Variants in DOCK7 observed in about 807,000 individuals in gnomAD.
The protein encoded by DOCK7 is dedicator of cytokinesis 7, also known as dedicator of cytokinesis protein 7.
A neutral mutation model predicts 271.0 loss-of-function variants in DOCK7; 138 were observed. That is an observed-to-expected ratio of 0.51 (90% CI 0.44 to 0.59). The LOEUF is 0.59. DOCK7 is among the 20% of genes least tolerant of loss of function. DOCK7 has a pLI of 0.00. For missense variants in DOCK7, 2,066 were observed against 2,592.4 expected (o/e 0.80, Z 4.41); for synonymous variants, 823 against 876.1 (o/e 0.94, Z 1.07).
Position 62,510,801 on chromosome 1 carries a change from T to G in DOCK7, c.4283-128A>C, listed in dbSNP as rs1168043. 599,021 of 602,668 alleles carry G rather than the reference T, an allele frequency of 0.99. 297,791 individuals carry two copies. Among genetic ancestry groups the G allele is most frequent in the East Asian group, 1 (31,807 of 31,808 alleles). The allele number at this position is 602,668 out of a possible 1,614,324, so 37.3% of individuals were successfully genotyped here. ...AAGCCATTTTATCCTCAGTACAAGT[T>G]GAAAAACCTGACAATGGTGCTTTTT... On this transcript the variant is annotated intron_variant, in intron 33 of 49. Transcript: ENST00000635253.
intron 43 of DOCK7, chr1:62,481,644 C>T (rs1646130392): frequency 6.6e-6 from 1 of 152,136 alleles, no homozygotes; most frequent in African/African-American, 2.4e-5. Flanking sequence ...TCTATCACTC[C>T]TCACAATACA....
chr1:62,625,334 T>G lies in DOCK7; in HGVS notation c.1350A>C (p.Thr450=). The G allele has an allele frequency of 1.2e-6, 2 of 1,613,800 alleles. No homozygotes were observed. The highest frequency in any genetic ancestry group is 1.7e-6 in the Non-Finnish European group (2 of 1,179,772). The change falls in exon 12 of 50, where the codon ACA becomes ACC. Residue 450 remains threonine, a synonymous_variant. Coordinates refer to ENST00000635253, the MANE Select transcript of DOCK7 (RefSeq NM_001367561.1). ...AGTTACAAGCATCATCTCCACTTGT[T>G]GTCCTTTCAAGTGATCGTCTGCCAA... ...SIVGRRSLER[T]TSGDDACNLT... is the part of the protein sequence containing the mutation.
At chr1:62,598,576 C>T in intron 14 of DOCK7, 3 of 674,090 alleles carry the variant, frequency 4.5e-6, no homozygotes, top group Non-Finnish European at 5.4e-6. Context: ...GAAGGAATTG[C>T]CAATATTCAT....
Position 62,559,023 on chromosome 1 carries a change from TA to T in DOCK7, c.2396del (p.Leu799Ter). ...LHLLLDKLILLVIRPPVIAGQ... is the reference protein window; with the variant it reads ...LHLLLDKLILXVIRPPVIAGQ... ...CAGCAATGACAGGAGGTCTAATAACTAAAAGTATCAGTTTATCTAGCAGAAG... is the reference window on the plus strand; with the variant it reads ...CAGCAATGACAGGAGGTCTAATAACTAAAGTATCAGTTTATCTAGCAGAAG... On this transcript the variant is annotated frameshift_variant, in exon 20 of 50. Transcript: ENST00000635253. LOFTEE classifies it high-confidence loss of function. The T allele has an allele frequency of 6.2e-7, 1 of 1,613,530 alleles. No individual in the cohort carries two copies. The highest frequency in any genetic ancestry group is 8.5e-7 in the Non-Finnish European group (1 of 1,179,736).
intron 14 of DOCK7, among the ~76,000 whole-genome samples, chr1:62,615,872 A>C (rs1652374402): frequency 6.6e-6 from 1 of 151,748 alleles, no homozygotes; most frequent in African/African-American, 2.4e-5. Context: ...TTCTCAAATT[A>C]ATATGCTATA....
chr1:62,685,438 T>C (rs2149786929), intron 1 of DOCK7, among the ~76,000 whole-genome samples: 1 of 152,332 alleles, frequency 6.6e-6, no homozygotes, highest in Non-Finnish European at 1.5e-5. Context: ...TCATTCACAA[T>C]AAGCAGTTAA....
At chr1:62,616,843 T>C (rs1652498808) in intron 14 of DOCK7, among the ~76,000 whole-genome samples, 1 of 151,658 alleles carries the variant, frequency 6.6e-6, no homozygotes, top group African/African-American at 2.4e-5. Flanking sequence ...GCAATCAGTA[T>C]AATATTGGAC....
chr1:62,567,248 A>G (rs1371967580), intron 18 of DOCK7, among the ~76,000 whole-genome samples: 1 of 152,196 alleles, frequency 6.6e-6, no homozygotes, highest in Non-Finnish European at 1.5e-5. Flanking sequence ...ACATACACAC[A>G]TATGTTTACT....
chr1:62,513,998 T>C (rs1041276008), intron 31 of DOCK7, 100 bp from the exon 32 acceptor site: 4 of 1,079,886 alleles, frequency 3.7e-6, no homozygotes, highest in African/African-American at 1.6e-5. Flanking sequence ...AAACAAAAGT[T>C]GCTTAAAAAT....
At chr1:62,463,973 G>A (rs1250098056) in intron 48 of DOCK7, among the ~76,000 whole-genome samples, 1 of 151,954 alleles carries the variant, frequency 6.6e-6, no homozygotes, top group Non-Finnish European at 1.5e-5. Context: ...ATCTATTCAA[G>A]ATTTAATGAA....
At chr1:62,548,858 T>A (rs1388822475) in intron 22 of DOCK7, among the ~76,000 whole-genome samples, 2 of 152,124 alleles carry the variant, frequency 1.3e-5, no homozygotes, top group Admixed American at 6.5e-5. Context: ...ATGGTAGCAA[T>A]GGAGATGGAA....
rs1294018912 is a variant in DOCK7 at position 62,662,670 on chromosome 1, A to G, written c.144+355T>C. On this transcript the variant is annotated intron_variant, in intron 2 of 49. Coordinates refer to ENST00000635253, the MANE Select transcript of DOCK7 (RefSeq NM_001367561.1). ...CAGCTACTCAGGAGGCTAAGGCATG[A>G]GAATCACTGGAACCCAGGAGGCGGA... 2.0e-5 allele frequency among the ~76,000 whole-genome samples: 3 copies of G among 152,154 alleles called. No individual in the cohort carries two copies. The East Asian group carries it at 5.8e-4, about 29-fold the overall frequency.
Position 62,552,749 on chromosome 1 carries a change from A to G in DOCK7, c.2749T>C (p.Ser917Pro), listed in dbSNP as rs1645950069. 6.2e-7 allele frequency: 1 copy of G among 1,611,890 alleles called. No individual in the cohort carries two copies. Among genetic ancestry groups the G allele is most frequent in the Non-Finnish European group, 8.5e-7 (1 of 1,178,932 alleles). ...CAGTTTACCTTACTCCCGATGATTG[A>G]TCGAACTTCATCATCTGGTGACGTG... ...TPTSPDDEVR[S>P]IIGSKGLDRS... is the part of the protein sequence containing the mutation. Residue 917 changes from serine (S) to proline (P), a missense_variant, in exon 22 of 50, where the codon TCA (serine) becomes CCA (proline). Ser to Pro is a moderately conservative substitution (Grantham distance 74). Coordinates refer to ENST00000635253, the MANE Select transcript of DOCK7 (RefSeq NM_001367561.1).
rs573342294 is a variant in DOCK7 at position 62,607,034 on chromosome 1, C to T, written c.1682+11672G>A. ...CAGCCTGACCAATATGGTGAAACCC[C>T]GTCTCTACCTAAAATACAAAAATTA... On this transcript the variant is annotated intron_variant, in intron 14 of 49. Transcript: ENST00000635253. Among the ~76,000 whole-genome samples, 7 of 152,108 alleles carry T rather than the reference C, an allele frequency of 4.6e-5. No homozygotes were observed. In the South Asian group the frequency reaches 8.3e-4, roughly 18 times the overall value.
chr1:62,477,569 C>T (rs766049751), intron 44 of DOCK7, 131 bp downstream of exon 44: 4 of 912,718 alleles, frequency 4.4e-6, no homozygotes, highest in Non-Finnish European at 4.7e-6. Flanking sequence ...ATTAAAAGTC[C>T]TTATTCTCTA....
In DOCK7 at chr1:62,559,009, G is replaced by A. The variant is rs1364310991; in HGVS notation, c.2411C>T (p.Pro804Leu). 6.2e-7 allele frequency: 1 copy of A among 1,612,352 alleles called. No homozygotes were observed. Among genetic ancestry groups the A allele is most frequent in the Non-Finnish European group, 8.5e-7 (1 of 1,178,960 alleles). ...ATTACCTATTTGGCCAGCAATGACA[G>A]GAGGTCTAATAACTAAAAGTATCAG... The part of the protein sequence containing the change: ...DKLILLVIRP[P>L]VIAGQIVNLG... Residue 804 changes from proline to leucine, a missense_variant, in exon 20 of 50, where the codon CCT becomes CTT. Physicochemically the swap from Pro to Leu is moderately conservative, Grantham distance 98. Around this residue, in one of 2 missense-constraint regions of DOCK7, gnomAD observed 1,414 missense variants for 1,670.4 expected, o/e 0.85. Coordinates refer to ENST00000635253, the MANE Select transcript of DOCK7 (RefSeq NM_001367561.1).
chr1:62,496,407 A>T lies in DOCK7; in HGVS notation c.4855T>A (p.Ser1619Thr). The T allele has an allele frequency of 6.2e-7, 1 of 1,613,524 alleles. No individual in the cohort carries two copies. Among genetic ancestry groups the T allele is most frequent in the Non-Finnish European group, 8.5e-7 (1 of 1,179,612 alleles). ...GCATATGTCAATATAGTCTTTAGAG[A>T]ACGTCTTAAGAATTCTTCATTAAAA... ...QNFNEEFLRR[S>T]LKTILTYAEE... The change falls in exon 38 of 50, where the codon TCT (serine) becomes ACT (threonine). Residue 1619 changes from serine (S) to threonine (T), a missense_variant. This residue lies in a region of DOCK7 where 652 missense variants were observed against 922.1 expected (regional missense o/e 0.71). Coordinates refer to ENST00000635253, the MANE Select transcript of DOCK7 (RefSeq NM_001367561.1).
At chr1:62,537,590 A>C (rs1645388876) in intron 28 of DOCK7, among the ~76,000 whole-genome samples, 1 of 150,778 alleles carries the variant, frequency 6.6e-6, no homozygotes, top group Middle Eastern at 3.4e-3. Context: ...TGTCTCAAAA[A>C]AAAAAAAAAA....
intron 7 of DOCK7, among the ~76,000 whole-genome samples, chr1:62,645,772 A>G (rs1249629869): frequency 2.6e-5 from 4 of 152,168 alleles, no homozygotes; most frequent in Non-Finnish European, 5.9e-5. Flanking sequence ...AGTAGAAACA[A>G]CCCAAATGCT....
Sources: gnomAD v4.1 joint callset for allele counts (sites outside exome capture counted in the v4.1 genomes callset) on GRCh38, gnomAD v4.1.1 for gene constraint, gnomAD v4.1.1 regional missense constraint, MANE v1.5 for transcripts, NCBI Gene and HGNC (gene_info 2026-07-23, HGNC 2026-07-21) for gene names.